The following SMC1B variants were observed in gnomAD, a reference collection of about 807,000 sequenced individuals.
The protein encoded by SMC1B is structural maintenance of chromosomes protein 1B.
In SMC1B, 60 loss-of-function variants were observed where a neutral mutation model predicts 157.9. The observed-to-expected ratio is 0.38, with a 90% confidence interval of 0.31 to 0.47. SMC1B has a LOEUF of 0.47. Ranked by LOEUF, SMC1B falls within the 20% of genes least tolerant of loss-of-function variation. The pLI, the probability that SMC1B is intolerant of heterozygous loss-of-function variation, is 0.99. For synonymous variants in SMC1B, 445 were observed against 483.0 expected (o/e 0.92, Z 1.03); for missense variants, 1,165 against 1,426.2 (o/e 0.82, Z 2.95).
intron 15 of SMC1B, among the ~76,000 whole-genome samples, chr22:45,367,530 T>C (rs1023257784): frequency 6.6e-6 from 1 of 152,232 alleles, no homozygotes; most frequent in Non-Finnish European, 1.5e-5. Flanking sequence ...TCTAATTTGG[T>C]GTCTCCTTTG....
chr22:45,405,092 C>A (rs1387330865), intron 4 of SMC1B, among the ~76,000 whole-genome samples: 1 of 152,100 alleles, frequency 6.6e-6, no homozygotes, highest in Non-Finnish European at 1.5e-5. Flanking sequence ...GAATGAGAGA[C>A]TACCAGGTAT....
chr22:45,356,007 T>C (rs963919866), intron 19 of SMC1B, among the ~76,000 whole-genome samples: 1 of 152,002 alleles, frequency 6.6e-6, no homozygotes, highest in Non-Finnish European at 1.5e-5. Context: ...GAGGTGGAGG[T>C]TGCAGTGAGC....
intron 6 of SMC1B, among the ~76,000 whole-genome samples, chr22:45,397,295 T>C (rs1024797006): frequency 3.9e-5 from 6 of 152,126 alleles, no homozygotes; most frequent in Non-Finnish European, 7.4e-5. Flanking sequence ...GGCAAGAGGA[T>C]CACTTGAGCC....
intron 1 of SMC1B, among the ~76,000 whole-genome samples, chr22:45,413,135 G>A (rs758301291): frequency 2.0e-5 from 3 of 151,990 alleles, no homozygotes; most frequent in African/African-American, 2.4e-5. Context: ...TCAGGGTGTC[G>A]GAGGAGGGTC....
Position 45,412,310 on chromosome 22 carries a change from C to T in SMC1B, c.109+1149G>A, listed in dbSNP as rs549640286. On this transcript the variant is annotated intron_variant, in intron 1 of 24. Transcript: ENST00000357450. Reference sequence around the variant, plus strand: ...CTGCCTCCCGGGTTCAAGCGATTCTCCTGCCTCAGCCTCCTCAGTAGCCGG... The same window carrying T: ...CTGCCTCCCGGGTTCAAGCGATTCTTCTGCCTCAGCCTCCTCAGTAGCCGG... Among the ~76,000 whole-genome samples the T allele has an allele frequency of 3.9e-5, 6 of 151,984 alleles. No homozygotes were observed. The East Asian group carries it at 1.2e-3, about 29-fold the overall frequency.
intron 16 of SMC1B, 137 bp downstream of exon 16, chr22:45,362,748 T>C (rs2086733942): frequency 1.4e-6 from 1 of 698,536 alleles, no homozygotes; most frequent in Admixed American, 3.2e-5. Flanking sequence ...GCTCTGCTGA[T>C]TTTACTTTAA....
chr22:45,370,991 C>G (rs1279839269), intron 14 of SMC1B, among the ~76,000 whole-genome samples: 1 of 152,134 alleles, frequency 6.6e-6, no homozygotes, highest in East Asian at 1.9e-4. Context: ...ATCAGAGATA[C>G]CCCACGGTGG....
intron 12 of SMC1B, among the ~76,000 whole-genome samples, chr22:45,377,966 G>T (rs1489121327): frequency 6.6e-6 from 1 of 151,996 alleles, no homozygotes; most frequent in Non-Finnish European, 1.5e-5. Context: ...CTCCTGCCAA[G>T]TAGCTGGGAC....
Position 45,394,685 on chromosome 22 carries a change from A to T in SMC1B, c.1337T>A (p.Met446Lys). 6.5e-7 allele frequency: 1 copy of T among 1,540,712 alleles called. No homozygotes were observed. The highest frequency in any genetic ancestry group is 8.8e-7 in the Non-Finnish European group (1 of 1,140,718). The stretch of plus-strand genomic sequence containing the variant: ...AAGAAATTTTTTTTACTCTACCTAC[A>T]TGCATGTCTTTGTATACTCCTCTAA... ...EKLEEYTKTC[M>K]DCLKEKKQQE... Residue 446 changes from methionine to lysine, a missense_variant and splice_region_variant, in exon 8 of 25, where the codon ATG becomes AAG. Transcript: ENST00000357450.
intron 6 of SMC1B, among the ~76,000 whole-genome samples, chr22:45,397,739 C>T (rs2087141880): frequency 6.6e-6 from 1 of 152,166 alleles, no homozygotes; most frequent in African/African-American, 2.4e-5. Flanking sequence ...AATCAGCACA[C>T]ATTCCTCCAT....
rs940366786 is a variant in SMC1B, at chr22:45,413,401, G to T, written c.109+58C>A. 2.9e-6 allele frequency: 4 copies of T among 1,393,636 alleles called. No individual in the cohort carries two copies. The African/African-American group carries it at 4.3e-5, about 15-fold the overall frequency. The allele number at this position is 1,393,636 out of a possible 1,614,324, so 86.3% of individuals were successfully genotyped here. On this transcript the variant is annotated intron_variant, in intron 1 of 24. Coordinates refer to ENST00000357450, the MANE Select transcript of SMC1B (RefSeq NM_148674.5). ...CGCCCACACCCCACAGGCCACGTGTGGCCTGGACGCCTGGGACGGCGGAGG... is the reference window on the plus strand; with the variant it reads ...CGCCCACACCCCACAGGCCACGTGTTGCCTGGACGCCTGGGACGGCGGAGG...
intron 23 of SMC1B, among the ~76,000 whole-genome samples, chr22:45,348,644 G>A (rs2086575883): frequency 6.6e-6 from 1 of 151,782 alleles, no homozygotes; most frequent in Admixed American, 6.6e-5. Context: ...ACTCTGGAAG[G>A]TCCTCTAAGC....
At chr22:45,371,646 C>A in intron 13 of SMC1B, 59 bp from the exon 14 acceptor site, 4 of 1,515,014 alleles carry the variant, frequency 2.6e-6, no homozygotes, top group South Asian at 1.3e-5. Context: ...TATAGTGAAG[C>A]CAAAAATGTG....
At chr22:45,413,392 G>C in intron 1 of SMC1B, 67 bp downstream of exon 1, 1 of 1,300,054 alleles carries the variant, frequency 7.7e-7, no homozygotes, top group Admixed American at 2.3e-5. Context: ...CACCCCACAG[G>C]CCACGTGTGG....
intron 12 of SMC1B, among the ~76,000 whole-genome samples, chr22:45,378,515 T>C (rs1259798342): frequency 2.0e-5 from 3 of 152,112 alleles, no homozygotes; most frequent in Non-Finnish European, 4.4e-5. Flanking sequence ...TGCTACGAAA[T>C]AGATGTTATT....
chr22:45,382,375 T>C (rs1321894069), intron 12 of SMC1B, among the ~76,000 whole-genome samples: 1 of 152,218 alleles, frequency 6.6e-6, no homozygotes, highest in African/African-American at 2.4e-5. Flanking sequence ...AAAAGACTAC[T>C]GACTGTATGA....
At position 45,402,504 on chromosome 22, in the gene SMC1B, A is replaced by G. The variant is rs750458407; in HGVS notation, c.683T>C (p.Leu228Pro). 6.2e-7 allele frequency: 1 copy of G among 1,614,000 alleles called. No individual in the cohort carries two copies. Among genetic ancestry groups the G allele is most frequent in the South Asian group, 1.1e-5 (1 of 91,078 alleles). The part of the protein sequence containing the change: ...MNKIQLQLFQ[L>P]YHNEKKIHLL... ...ATGAATCTTTTTCTCATTATGGTAT[A>G]GTTGAAAAAGCTGCAGTTGTATCTT... Residue 228 changes from leucine to proline, a missense_variant, in exon 5 of 25, where the codon CTA becomes CCA. Leu to Pro is a moderately conservative substitution (Grantham distance 98). Coordinates refer to ENST00000357450, the MANE Select transcript of SMC1B (RefSeq NM_148674.5).
intron 15 of SMC1B, among the ~76,000 whole-genome samples, chr22:45,363,942 G>A (rs1272924500): frequency 6.6e-6 from 1 of 151,548 alleles, no homozygotes; most frequent in Non-Finnish European, 1.5e-5. Context: ...TCCGCCCCCT[G>A]GGTTCAAACA....
At chr22:45,378,670 A>C (rs73889906) in intron 12 of SMC1B, among the ~76,000 whole-genome samples, 36 of 152,216 alleles carry the variant, frequency 2.4e-4, no homozygotes, top group African/African-American at 7.9e-4. Flanking sequence ...CAAACTAAAC[A>C]CTTAACCTTT....
Sources: gnomAD v4.1 joint callset for allele counts (sites outside exome capture counted in the v4.1 genomes callset) on GRCh38, gnomAD v4.1.1 for gene constraint, MANE v1.5 for transcripts, NCBI Gene and HGNC (gene_info 2026-07-23, HGNC 2026-07-21) for gene names.